The following TANGO6 variants were observed in gnomAD, a reference collection of about 807,000 sequenced individuals.
TANGO6 encodes the protein transport and golgi organization 6 homolog.
In TANGO6, 90 loss-of-function variants were observed where a neutral mutation model predicts 114.2. The ratio of observed to expected loss-of-function variants is 0.79; its 90% CI spans 0.66 to 0.94. TANGO6 has a LOEUF of 0.94. Among genes scored for constraint, TANGO6 ranks in the 40% least tolerant of loss-of-function variants. The pLI, the probability that TANGO6 is intolerant of heterozygous loss-of-function variation, is 0.00. For synonymous variants in TANGO6, 477 were observed against 509.8 expected (o/e 0.94, Z 0.87); for missense variants, 1,274 against 1,315.3 (o/e 0.97, Z 0.49).
At chr16:68,914,710 T>C (rs994773957) in intron 11 of TANGO6, among the ~76,000 whole-genome samples, 2 of 152,130 alleles carry the variant, frequency 1.3e-5, no homozygotes, top group African/African-American at 4.8e-5. Context: ...CACCTATTCT[T>C]GTGGCTGGAA....
At chr16:68,866,246 T>G (rs959082505) in intron 3 of TANGO6, among the ~76,000 whole-genome samples, 1 of 149,678 alleles carries the variant, frequency 6.7e-6, no homozygotes, top group Non-Finnish European at 1.5e-5. Flanking sequence ...TTTGTAAAGT[T>G]TTTTTTTTTT....
chr16:68,890,064 A>G (rs967166219), intron 7 of TANGO6, among the ~76,000 whole-genome samples: 8 of 152,204 alleles, frequency 5.3e-5, no homozygotes, highest in African/African-American at 1.9e-4. Context: ...AGATCACTGT[A>G]ATGTTTTAGA....
At chr16:68,890,567 C>T (rs1298568152) in intron 7 of TANGO6, among the ~76,000 whole-genome samples, 1 of 152,202 alleles carries the variant, frequency 6.6e-6, no homozygotes, top group Non-Finnish European at 1.5e-5. Flanking sequence ...TTAGCAATGT[C>T]ATGGAAGTCT....
chr16:68,924,433 G>A (rs900755586), intron 12 of TANGO6, among the ~76,000 whole-genome samples: 1 of 151,760 alleles, frequency 6.6e-6, no homozygotes, highest in African/African-American at 2.4e-5. Flanking sequence ...GTTGCAGTGA[G>A]CTGAGATCAC....
chr16:68,963,050 C>T (rs1216127368), intron 14 of TANGO6, among the ~76,000 whole-genome samples: 1 of 149,378 alleles, frequency 6.7e-6, no homozygotes, highest in Non-Finnish European at 1.5e-5. Context: ...GCCGAGATCG[C>T]GCCACTGTAC....
intron 15 of TANGO6, among the ~76,000 whole-genome samples, chr16:68,982,629 C>CATTTTTTTTTTTTTTTTTTTTTTTT (rs1567553024): frequency 4.1e-5 from 5 of 120,538 alleles, no homozygotes; most frequent in African/African-American, 2.0e-4. Flanking sequence ...CATGCCCTGG[C>CATTTTTTTTTTTTTTTTTTTTTTTT]CTTTTTTTTT....
At chr16:68,844,301 A>C (rs1038660717) in intron 1 of TANGO6, among the ~76,000 whole-genome samples, 10 of 152,134 alleles carry the variant, frequency 6.6e-5, no homozygotes, top group African/African-American at 2.4e-4. Flanking sequence ...TTTGCGACTG[A>C]GGACACCCAA....
chr16:68,939,370 A>G (rs1008533347), intron 14 of TANGO6, among the ~76,000 whole-genome samples: 1 of 152,124 alleles, frequency 6.6e-6, no homozygotes, highest in Admixed American at 6.6e-5. Context: ...AGCCTGGGGA[A>G]CAAGAGTGAG....
chr16:68,972,688 T>G (rs1963719090), intron 14 of TANGO6, among the ~76,000 whole-genome samples: 1 of 152,098 alleles, frequency 6.6e-6, no homozygotes, highest in Non-Finnish European at 1.5e-5. Flanking sequence ...ATTATAGAGT[T>G]CACATTCCAA....
At chr16:69,049,468 G>A (rs533549954) in intron 17 of TANGO6, among the ~76,000 whole-genome samples, 20 of 142,964 alleles carry the variant, frequency 1.4e-4, no homozygotes, top group African/African-American at 5.2e-4. Flanking sequence ...TTTCGCTCTT[G>A]TCCCCCAAGC....
chr16:68,876,426 G>T (rs550040522), intron 5 of TANGO6, among the ~76,000 whole-genome samples: 1 of 152,280 alleles, frequency 6.6e-6, no homozygotes, highest in East Asian at 1.9e-4. Context: ...CTCCCGAAGT[G>T]CTGGGATTAT....
At chr16:68,901,864 C>T (rs556677912) in intron 8 of TANGO6, among the ~76,000 whole-genome samples, 30 of 152,164 alleles carry the variant, frequency 2.0e-4, no homozygotes, top group African/African-American at 7.0e-4. Flanking sequence ...AACATGTGAA[C>T]GATGATTTAG....
chr16:68,975,438 C>T (rs935614753), intron 15 of TANGO6, among the ~76,000 whole-genome samples: 1 of 151,760 alleles, frequency 6.6e-6, no homozygotes. Flanking sequence ...TCAGGCTAGT[C>T]TCAAACTCGT....
At chr16:69,061,980 C>T (rs1024578971) in intron 17 of TANGO6, among the ~76,000 whole-genome samples, 55 of 151,738 alleles carry the variant, frequency 3.6e-4, no homozygotes, top group African/African-American at 1.1e-3. Context: ...GATCGCTCCA[C>T]TGGCACTCCA....
chr16:68,868,974 G>C (rs13332761), intron 4 of TANGO6, among the ~76,000 whole-genome samples: 20,996 of 152,050 alleles, frequency 0.14, 1,964 homozygotes, highest in African/African-American at 0.26. Context: ...GTTTTGGTTA[G>C]ATCAATATTC....
At chr16:68,967,737 T>C (rs1361697470) in intron 14 of TANGO6, among the ~76,000 whole-genome samples, 1 of 152,208 alleles carries the variant, frequency 6.6e-6, no homozygotes, top group Non-Finnish European at 1.5e-5. Flanking sequence ...GTGGGTATTT[T>C]GGGAAGTTGT....
chr16:68,887,105 G>A (rs1246002272), intron 7 of TANGO6, among the ~76,000 whole-genome samples: 1 of 152,250 alleles, frequency 6.6e-6, no homozygotes, highest in Non-Finnish European at 1.5e-5. Context: ...ACCATGCTCG[G>A]CCCTTCCATA....
chr16:68,918,338 C>T (rs900587363), intron 11 of TANGO6, among the ~76,000 whole-genome samples: 1 of 152,168 alleles, frequency 6.6e-6, no homozygotes, highest in African/African-American at 2.4e-5. Flanking sequence ...CAGTGTCTTT[C>T]GCAGAGCAGG....
chr16:69,022,716 A>G (rs1221066908), intron 15 of TANGO6, 112 bp from the exon 16 acceptor site: 2 of 1,270,966 alleles, frequency 1.6e-6, no homozygotes, highest in Non-Finnish European at 2.1e-6. Flanking sequence ...AAAAAAAATA[A>G]AAACAAAAAG....
Sources: gnomAD v4.1 joint callset for allele counts (sites outside exome capture counted in the v4.1 genomes callset) on GRCh38, gnomAD v4.1.1 for gene constraint, MANE v1.5 for transcripts, NCBI Gene and HGNC (gene_info 2026-07-23, HGNC 2026-07-21) for gene names.